The following USP34 variants were observed in gnomAD, a reference collection of about 807,000 sequenced individuals.
USP34 encodes ubiquitin specific peptidase 34.
USP34 carries 70 observed loss-of-function variants against 460.3 expected under a neutral mutation model. That is an observed-to-expected ratio of 0.15 (90% confidence interval 0.13 to 0.19). The LOEUF (loss-of-function observed/expected upper bound fraction) is 0.19. Ranked by LOEUF, USP34 falls within the 10% of genes least tolerant of loss-of-function variation. The probability of loss-of-function intolerance (pLI) is 1.00; values close to 1 mark genes in which losing one functional copy is unlikely to be tolerated. For missense variants in USP34, 3,985 were observed against 4,236.2 expected, an observed-to-expected ratio of 0.94 and a Z score of 1.65; for synonymous variants, 1,647 against 1,405.3, an observed-to-expected ratio of 1.17 and a Z score of -3.85.
chr2:61,325,354 A>G, intron 21 of USP34, 21 bp downstream of exon 21: 2 of 1,490,606 alleles, frequency 1.3e-6, no homozygotes, highest in Non-Finnish European at 1.8e-6. Flanking sequence ...ATTTTTAAAA[A>G]GTACTGATTA....
At chr2:61,444,815 ACCT>A (rs1189368834) in intron 1 of USP34, among the ~76,000 whole-genome samples, 2 of 150,250 alleles carry the variant, frequency 1.3e-5, no homozygotes, top group African/African-American at 4.9e-5. Flanking sequence ...GCACGTGGAG[ACCT>A]CCTTTTTTGG....
intron 30 of USP34, among the ~76,000 whole-genome samples, chr2:61,296,123 G>A (rs561150705): frequency 7.9e-5 from 12 of 152,202 alleles, no homozygotes; most frequent in African/African-American, 2.4e-4. Flanking sequence ...GCCAGGCATG[G>A]TGCACACGCC....
rs993358553 is a variant in USP34, at chr2:61,470,957, G to C, written c.-265C>G. On this transcript the variant is annotated 5_prime_UTR_variant, in exon 1 of 80. Coordinates refer to ENST00000398571, the MANE Select transcript of USP34 (RefSeq NM_014709.4). The stretch of plus-strand genomic sequence containing the variant: ...GCCGAGGCGCCGGCGGCGGGGAAGG[G>C]GGGGAAGGACGGGGGGAGGGGAGAG... Among the ~76,000 whole-genome samples the C allele has an allele frequency of 7.6e-5, 10 of 132,402 alleles. No homozygotes were observed. The highest frequency in any genetic ancestry group is 2.8e-4 in the East Asian group (1 of 3,590). The allele number at this position is 132,402 out of a possible 152,430, so 86.9% of individuals were successfully genotyped here. A position where few individuals can be genotyped will look rare whatever the true frequency, so the allele number is the denominator to read the frequency against.
At chr2:61,271,318 G>A (rs1689206603) in intron 41 of USP34, among the ~76,000 whole-genome samples, 1 of 152,084 alleles carries the variant, frequency 6.6e-6, no homozygotes, top group Admixed American at 6.5e-5. Flanking sequence ...TCCTAATCAT[G>A]TCAATGCAAT....
intron 40 of USP34, 30 bp downstream of exon 40, chr2:61,278,358 T>TA: frequency 6.2e-7 from 1 of 1,607,072 alleles, no homozygotes; most frequent in African/African-American, 1.3e-5. Context: ...TCCTCGACAA[T>TA]ATAAATGTCA....
chr2:61,203,111 G>A (rs1367277251), intron 75 of USP34, 29 bp downstream of exon 75: 1 of 1,512,346 alleles, frequency 6.6e-7, no homozygotes, highest in Non-Finnish European at 8.9e-7. Flanking sequence ...ATAATTCAGT[G>A]GAATTTACTG....
intron 51 of USP34, among the ~76,000 whole-genome samples, chr2:61,243,820 A>C (rs1688345115): frequency 6.6e-6 from 1 of 151,922 alleles, no homozygotes; most frequent in South Asian, 2.1e-4. Flanking sequence ...CAGTGAGCCA[A>C]GATCACGCCA....
intron 6 of USP34, 123 bp from the exon 7 acceptor site, chr2:61,380,484 T>C (rs1572985323): frequency 6.0e-6 from 6 of 994,022 alleles, no homozygotes; most frequent in Middle Eastern, 2.4e-4. Flanking sequence ...CACAAACCTC[T>C]GGTTTTCCTC....
At chr2:61,224,032 G>T (rs1458186173) in intron 62 of USP34, among the ~76,000 whole-genome samples, 2 of 152,042 alleles carry the variant, frequency 1.3e-5, no homozygotes, top group Non-Finnish European at 2.9e-5. Flanking sequence ...TAACAGATAG[G>T]TTTCAAAAAC....
Position 61,205,543 on chromosome 2 carries a change from T to C in USP34, c.9154+474A>G, listed in dbSNP as rs1000042820. ...TGAAAAAAAAATCACTATAAATTTA[T>C]AATGGGTGTCTTTTAAAAGCCACAA... On this transcript the variant is annotated intron_variant, in intron 72 of 79. Transcript: ENST00000398571. Among the ~76,000 whole-genome samples the C allele has an allele frequency of 2.6e-5, 4 of 152,198 alleles. No homozygotes were observed. In the South Asian group the frequency reaches 8.3e-4, roughly 31 times the overall value.
At chr2:61,378,665 G>A (rs1345889218) in intron 7 of USP34, among the ~76,000 whole-genome samples, 2 of 152,040 alleles carry the variant, frequency 1.3e-5, no homozygotes, top group African/African-American at 2.4e-5. Flanking sequence ...CAGCACTTTA[G>A]GAGGCCAAGG....
At chr2:61,222,409 T>C (rs1007755870) in intron 65 of USP34, among the ~76,000 whole-genome samples, 3 of 152,224 alleles carry the variant, frequency 2.0e-5, no homozygotes, top group Non-Finnish European at 4.4e-5. Flanking sequence ...AATGAGTCTA[T>C]ACACATATTT....
intron 20 of USP34, among the ~76,000 whole-genome samples, chr2:61,329,631 A>G (rs1016666324): frequency 3.3e-5 from 5 of 152,204 alleles, no homozygotes; most frequent in African/African-American, 9.6e-5. Context: ...AGCTGAAGAG[A>G]TTGGTATTTT....
intron 38 of USP34, 37 bp from the exon 39 acceptor site, chr2:61,280,385 A>C: frequency 9.8e-7 from 1 of 1,015,988 alleles, no homozygotes; most frequent in Non-Finnish European, 1.4e-6. Context: ...AAAACATTTT[A>C]AAAATAAATA....
intron 7 of USP34, among the ~76,000 whole-genome samples, chr2:61,379,040 A>C (rs1302951235): frequency 6.6e-6 from 1 of 152,084 alleles, no homozygotes; most frequent in African/African-American, 2.4e-5. Context: ...AACGCAAGAG[A>C]GCAAGTAATA....
At position 61,265,535 on chromosome 2, in the gene USP34, A is replaced by C. The variant is rs1361001135; in HGVS notation, c.5640T>G (p.Asp1880Glu). ...HMQSHAPYKW[D>E]YWPHEDVRAE... The stretch of plus-strand genomic sequence containing the variant: ...CACGGACATCTTCATGAGGCCAGTA[A>C]TCCCATTTATAAGGTGCATGGGCTG... Residue 1880 changes from aspartate (D) to glutamate (E), a missense_variant, in exon 43 of 80, where the codon GAT (aspartate) becomes GAG (glutamate). This residue lies in a region of USP34 where 1,114 missense variants were observed against 1,122.5 expected (regional missense o/e 0.99). Coordinates refer to ENST00000398571, the MANE Select transcript of USP34 (RefSeq NM_014709.4). The C allele has an allele frequency of 1.2e-6, 2 of 1,611,672 alleles. No homozygotes were observed. Among genetic ancestry groups the C allele is most frequent in the Non-Finnish European group, 1.7e-6 (2 of 1,178,244 alleles).
At chr2:61,378,926 A>AAAAAAAAAAAAAAAAC in intron 7 of USP34, among the ~76,000 whole-genome samples, 1 of 148,962 alleles carries the variant, frequency 6.7e-6, no homozygotes, top group Non-Finnish European at 1.5e-5. Context: ...AAAAAAAAAA[A>AAAAAAAAAAAAAAAAC]AAAAAAAAAA....
intron 29 of USP34, among the ~76,000 whole-genome samples, chr2:61,299,714 T>C (rs150722408): frequency 5.5e-4 from 83 of 152,280 alleles, no homozygotes; most frequent in African/African-American, 1.9e-3. Context: ...ATCATACCAC[T>C]GCACTGCAGC....
Position 61,283,414 on chromosome 2 carries a change from T to G in USP34, c.4868A>C (p.His1623Pro). Residue 1623 changes from histidine (H) to proline (P), a missense_variant, in exon 36 of 80, where the codon CAT (histidine) becomes CCT (proline). Transcript: ENST00000398571. ...TAACTTTGTGGAACCCTTACCTTCA[T>G]GTCTAGACCTGTGATCAGACTGAGC... The part of the protein sequence containing the change: ...LKAQSDHRSR[H>P]EVSHYSMWLL... The G allele has an allele frequency of 6.2e-7, 1 of 1,605,554 alleles. No homozygotes were observed. Among genetic ancestry groups the G allele is most frequent in the South Asian group, 1.1e-5 (1 of 89,132 alleles).
Sources: gnomAD v4.1 joint callset for allele counts (sites outside exome capture counted in the v4.1 genomes callset) on GRCh38, gnomAD v4.1.1 for gene constraint, gnomAD v4.1.1 regional missense constraint, MANE v1.5 for transcripts, NCBI Gene and HGNC (gene_info 2026-07-23, HGNC 2026-07-21) for gene names.